CYP11B2: variants seen among roughly 807,000 people sequenced by gnomAD.
CYP11B2 encodes cytochrome P450 11B2, mitochondrial.
In CYP11B2, 38 loss-of-function variants were observed where a neutral mutation model predicts 49.3. That is an observed-to-expected ratio of 0.77 (90% CI 0.59 to 1.01). The LOEUF is 1.01. Among genes scored for constraint, CYP11B2 ranks in the 50% least tolerant of loss-of-function variants. The pLI is 0.00. For missense variants in CYP11B2, 669 were observed against 655.5 expected, an observed-to-expected ratio of 1.02 and a Z score of -0.23; for synonymous variants, 290 against 269.3, an observed-to-expected ratio of 1.08 and a Z score of -0.75.
Position 142,915,213 on chromosome 8 carries a change from C to G in CYP11B2, c.428G>C (p.Arg143Pro). 1.2e-6 allele frequency: 2 copies of G among 1,614,040 alleles called. No individual in the cohort carries two copies. The highest frequency in any genetic ancestry group is 1.1e-5 in the South Asian group (1 of 91,034). Residue 143 changes from arginine to proline, a missense_variant, in exon 3 of 9, where the codon CGG becomes CCG. Arg to Pro is a moderately radical substitution (Grantham distance 103). Transcript: ENST00000323110. ...GGGCGACAGCACATCTGGGTTCAGCCGCAATCGGTTGAAGCGCCATTCAGG... is the reference window on the plus strand; with the variant it reads ...GGGCGACAGCACATCTGGGTTCAGCGGCAATCGGTTGAAGCGCCATTCAGG... ...NGPEWRFNRLRLNPDVLSPKA... is the reference protein window; with the variant it reads ...NGPEWRFNRLPLNPDVLSPKA...
At chr8:142,913,546 A>G in intron 5 of CYP11B2, 95 bp from the exon 6 acceptor site, 2 of 1,451,848 alleles carry the variant, frequency 1.4e-6, no homozygotes, top group Non-Finnish European at 1.9e-6. Context: ...AGGGGTGGAG[A>G]CATCCATGCC....
intron 5 of CYP11B2, 44 bp from the exon 6 acceptor site, chr8:142,913,495 C>T (rs779346358): frequency 6.2e-7 from 1 of 1,613,502 alleles, no homozygotes; most frequent in South Asian, 1.1e-5. Flanking sequence ...CACAGGAGGA[C>T]TCAGCCCCCG....
chr8:142,917,149 T>G lies in CYP11B2; in HGVS notation c.305A>C (p.Gln102Pro). ...MLPEDVEKLQ[Q>P]VDSLHPCRMI... Reference sequence around the variant, plus strand: ...CCTGCAGGGATGCAGGCTGTCCACCTGTTGCAGCTTCTCCACATCCTCCGG... The same window carrying G: ...CCTGCAGGGATGCAGGCTGTCCACCGGTTGCAGCTTCTCCACATCCTCCGG... Residue 102 changes from glutamine to proline, a missense_variant, in exon 2 of 9, where the codon CAG (glutamine) becomes CCG (proline). Gln to Pro is a moderately conservative substitution (Grantham distance 76). Transcript: ENST00000323110. 1 of 1,614,206 alleles carries G rather than the reference T, an allele frequency of 6.2e-7. No homozygotes were observed. Among genetic ancestry groups the G allele is most frequent in the Non-Finnish European group, 8.5e-7 (1 of 1,180,036 alleles).
rs1454707919 is a variant in CYP11B2, at chr8:142,913,059, G to A, written c.1122-174C>T. On this transcript the variant is annotated intron_variant, in intron 6 of 8. Coordinates refer to ENST00000323110, the MANE Select transcript of CYP11B2 (RefSeq NM_000498.3). ...AGCCAAACCTCCCCTAACTTGAGAA[G>A]CCCCAAGCGCAGAAGGACATGCCCC... Among the ~76,000 whole-genome samples, 4 of 150,060 alleles carry A rather than the reference G, an allele frequency of 2.7e-5. No homozygotes were observed. In the East Asian group the frequency reaches 7.9e-4, roughly 30 times the overall value.
At position 142,913,559 on chromosome 8, in the gene CYP11B2, G is replaced by A. The variant is rs1475694007; in HGVS notation, c.955-108C>T. Reference sequence around the variant, plus strand: ...TGAGGGGTGGAGACATCCATGCCCTGAGCAAAAACAGAGCCCTGGGACCCC... The same window carrying A: ...TGAGGGGTGGAGACATCCATGCCCTAAGCAAAAACAGAGCCCTGGGACCCC... On this transcript the variant is annotated intron_variant, in intron 5 of 8. Coordinates refer to ENST00000323110, the MANE Select transcript of CYP11B2 (RefSeq NM_000498.3). 10 of 1,205,442 alleles carry A rather than the reference G, an allele frequency of 8.3e-6. No individual in the cohort carries two copies. The African/African-American group carries it at 1.3e-4, about 16-fold the overall frequency. 74.7% of individuals were successfully genotyped at this position (1,205,442 alleles called of 1,614,324 possible).
Position 142,912,018 on chromosome 8 carries a change from C to G in CYP11B2, c.1474G>C (p.Gly492Arg). The G allele has an allele frequency of 6.2e-7, 1 of 1,614,014 alleles. No homozygotes were observed. The highest frequency in any genetic ancestry group is 8.5e-7 in the Non-Finnish European group (1 of 1,179,964). Residue 492 changes from glycine (G) to arginine (R), a missense_variant, in exon 9 of 9, where the codon GGC becomes CGC. Physicochemically the swap from Gly to Arg is moderately radical, Grantham distance 125. Coordinates refer to ENST00000323110, the MANE Select transcript of CYP11B2 (RefSeq NM_000498.3). ...CTGAAAGTGAGGAGGGGGGACGTGCCAGGCCTCAATATGAAGCTGTAGACC... is the reference window on the plus strand; with the variant it reads ...CTGAAAGTGAGGAGGGGGGACGTGCGAGGCCTCAATATGAAGCTGTAGACC... ...KMVYSFILRPGTSPLLTFRAI... is the reference protein window; with the variant it reads ...KMVYSFILRPRTSPLLTFRAI...
chr8:142,914,457 C>T, intron 4 of CYP11B2, 39 bp from the exon 5 acceptor site: 1 of 1,577,966 alleles, frequency 6.3e-7, no homozygotes, highest in South Asian at 1.1e-5. Context: ...GATCTTGGTG[C>T]TGGGAAGCAT....
At chr8:142,914,996 C>G in intron 3 of CYP11B2, 50 bp downstream of exon 3, 1 of 1,612,420 alleles carries the variant, frequency 6.2e-7, no homozygotes, top group Non-Finnish European at 8.5e-7. Context: ...CATCCCCATC[C>G]CTGGCCACTC....
Position 142,912,686 on chromosome 8 carries a change from G to T in CYP11B2, c.1242C>A (p.Ala414=). ...ACCGCTCAGGCCTCGGGAACAAGGC[G>T]GCATTGCGACCCAGCGAGTAGAGGA... ...QVFLYSLGRN[A]ALFPRPERYN... Residue 414 remains alanine, a synonymous_variant, in exon 8 of 9, where the codon GCC becomes GCA. Transcript: ENST00000323110. The T allele has an allele frequency of 6.2e-7, 1 of 1,614,122 alleles. No homozygotes were observed. Among genetic ancestry groups the T allele is most frequent in the East Asian group, 2.2e-5 (1 of 44,888 alleles).
intron 1 of CYP11B2, 102 bp from the exon 2 acceptor site, chr8:142,917,316 C>G: frequency 1.4e-6 from 2 of 1,467,210 alleles, no homozygotes; most frequent in Non-Finnish European, 1.9e-6. Context: ...CTCCCTGCTC[C>G]TGGATTAGCG....
intron 1 of CYP11B2, among the ~76,000 whole-genome samples, 155 bp downstream of exon 1, chr8:142,917,447 C>T (rs901364180): frequency 6.6e-6 from 1 of 152,214 alleles, no homozygotes; most frequent in Non-Finnish European, 1.5e-5. Context: ...CCTGGCAGCA[C>T]CACAGACCAG....
chr8:142,914,530 A>G, intron 4 of CYP11B2, 112 bp from the exon 5 acceptor site: 3 of 1,443,944 alleles, frequency 2.1e-6, no homozygotes, highest in South Asian at 1.2e-5. Context: ...TCTCATCCCA[A>G]ATTCTCCGGA....
At chr8:142,915,024 G>A in intron 3 of CYP11B2, 22 bp downstream of exon 3, 1 of 1,613,398 alleles carries the variant, frequency 6.2e-7, no homozygotes, top group Non-Finnish European at 8.5e-7. Context: ...TCTGGGGCTG[G>A]ACCTTCCCGC....
intron 1 of CYP11B2, 71 bp from the exon 2 acceptor site, chr8:142,917,285 C>T (rs1817664764): frequency 3.9e-6 from 6 of 1,548,044 alleles, no homozygotes; most frequent in Non-Finnish European, 5.3e-6. Context: ...CAGTCCCAAT[C>T]CAAAGTGTCT....
intron 6 of CYP11B2, 118 bp downstream of exon 6, chr8:142,913,167 G>A: frequency 8.6e-7 from 1 of 1,159,484 alleles, no homozygotes; most frequent in South Asian, 1.4e-5. Flanking sequence ...GCAGGTGCAG[G>A]GGAATGGGCT....
chr8:142,913,400 C>T lies in CYP11B2; in HGVS notation c.1006G>A (p.Val336Met), dbSNP rs373369254. Residue 336 changes from valine to methionine, a missense_variant, in exon 6 of 9, where the codon GTG becomes ATG. Transcript: ENST00000323110. ...TLFELARNPD[V>M]QQILRQESLA... is the part of the protein sequence containing the mutation. ...CTCTCCTGGCGCAGGATCTGCTGCA[C>T]GTCGGGGTTCCGAGCCAGCTCAAAG... 153 of 1,613,856 alleles carry T rather than the reference C, an allele frequency of 9.5e-5. 1 individual carries two copies. Among genetic ancestry groups the T allele is most frequent in the Non-Finnish European group, 7.3e-5 (86 of 1,180,032 alleles).
chr8:142,912,629 G>A lies in CYP11B2; in HGVS notation c.1299C>T (p.Gly433=). 2 of 1,614,224 alleles carry A rather than the reference G, an allele frequency of 1.2e-6. No individual in the cohort carries two copies. Among genetic ancestry groups the A allele is most frequent in the Non-Finnish European group, 1.7e-6 (2 of 1,180,038 alleles). The stretch of plus-strand genomic sequence containing the variant: ...GCACGTGGTGGAAGTTCCTGCCGGA[G>A]CCCCTGATGTCTAGCCAGCGCTGGG... ...YNPQRWLDIR[G]SGRNFHHVPF... Residue 433 remains glycine (G), a synonymous_variant, in exon 8 of 9, where the codon GGC becomes GGT. Transcript: ENST00000323110.
At chr8:142,913,484 G>T in intron 5 of CYP11B2, 33 bp from the exon 6 acceptor site, 1 of 1,613,928 alleles carries the variant, frequency 6.2e-7, no homozygotes, top group Non-Finnish European at 8.5e-7. Flanking sequence ...GTCAGACCTT[G>T]CACAGGAGGA....
Position 142,914,308 on chromosome 8 carries a change from T to A in CYP11B2, c.910A>T (p.Ile304Phe). ...LLKAELSLEA[I>F]KANSMELTAG... ...GTGAGTTCCATAGAGTTGGCCTTGATGGCTTCTAGTGACAGTTCCGCCTTC... is the reference window on the plus strand; with the variant it reads ...GTGAGTTCCATAGAGTTGGCCTTGAAGGCTTCTAGTGACAGTTCCGCCTTC... Residue 304 changes from isoleucine (I) to phenylalanine (F), a missense_variant, in exon 5 of 9, where the codon ATC (isoleucine) becomes TTC (phenylalanine). Ile to Phe is a conservative substitution (Grantham distance 21, BLOSUM62 0). Transcript: ENST00000323110. 6.2e-7 allele frequency: 1 copy of A among 1,614,182 alleles called. No homozygotes were observed. The highest frequency in any genetic ancestry group is 8.5e-7 in the Non-Finnish European group (1 of 1,180,034).
Sources: allele counts gnomAD v4.1 joint callset (sites outside exome capture counted in the v4.1 genomes callset), GRCh38; gene constraint gnomAD v4.1.1; transcripts MANE v1.5; gene names NCBI Gene and HGNC (gene_info 2026-07-23, HGNC 2026-07-21).